Variants in TULP4 observed in about 807,000 individuals in gnomAD.
The protein encoded by TULP4 is tubby-related protein 4.
In TULP4, 16 loss-of-function variants were observed where a neutral mutation model predicts 129.0. That is an observed-to-expected ratio of 0.12 (90% CI 0.08 to 0.19). The LOEUF (loss-of-function observed/expected upper bound fraction) is 0.19. Among genes scored for constraint, TULP4 ranks in the 10% least tolerant of loss-of-function variants. TULP4 has a pLI of 1.00. For synonymous variants in TULP4, 998 were observed against 854.0 expected (o/e 1.17, Z -2.94); for missense variants, 1,842 against 2,059.1 (o/e 0.89, Z 2.04).
At chr6:158,328,915 G>A (rs1463896542) in intron 1 of TULP4, among the ~76,000 whole-genome samples, 1 of 152,164 alleles carries the variant, frequency 6.6e-6, no homozygotes, top group Non-Finnish European at 1.5e-5. Context: ...TTAGTGCACT[G>A]GGCAGTGGGT....
intron 1 of TULP4, among the ~76,000 whole-genome samples, chr6:158,365,971 C>T (rs1437319310): frequency 4.7e-5 from 6 of 128,170 alleles, no homozygotes; most frequent in Non-Finnish European, 9.3e-5. Context: ...GGCGCCATCT[C>T]GGCTCACTGC....
intron 3 of TULP4, among the ~76,000 whole-genome samples, chr6:158,432,579 A>G (rs1432382607): frequency 1.3e-5 from 2 of 152,196 alleles, no homozygotes; most frequent in African/African-American, 4.8e-5. Context: ...TAAGCAGTGC[A>G]TGGCTGGGCA....
Position 158,502,316 on chromosome 6 carries a change from T to C in TULP4, c.2653T>C (p.Tyr885His). 1 of 1,612,542 alleles carries C rather than the reference T, an allele frequency of 6.2e-7. No individual in the cohort carries two copies. The highest frequency in any genetic ancestry group is 8.5e-7 in the Non-Finnish European group (1 of 1,179,638). ...TSVHYQTPLG[Y>H]ERITTFDSSG... ...AGTGCACTACCAGACCCCCCTGGGC[T>C]ATGAGAGGATCACCACCTTCGACAG... The change falls in exon 13 of 14, where the codon TAT becomes CAT. Residue 885 changes from tyrosine to histidine, a missense_variant. By Grantham distance (83) the Tyr-to-His change is moderately conservative. Transcript: ENST00000367097.
intron 3 of TULP4, among the ~76,000 whole-genome samples, chr6:158,436,457 T>C (rs1200304261): frequency 6.6e-6 from 1 of 152,206 alleles, no homozygotes; most frequent in East Asian, 1.9e-4. Flanking sequence ...TGAAAGAATG[T>C]AGGTAAAGTG....
intron 6 of TULP4, among the ~76,000 whole-genome samples, chr6:158,464,825 A>G (rs1779519374): frequency 6.6e-6 from 1 of 152,228 alleles, no homozygotes; most frequent in Admixed American, 6.5e-5. Flanking sequence ...GAATCAGGAA[A>G]AGACCTAGAA....
At chr6:158,415,623 G>A (rs183192182) in intron 2 of TULP4, among the ~76,000 whole-genome samples, 1 of 149,758 alleles carries the variant, frequency 6.7e-6, no homozygotes, top group Non-Finnish European at 1.5e-5. Flanking sequence ...GCCTCCCAAA[G>A]TGCTGGGATT....
At chr6:158,458,800 C>T (rs1018808377) in intron 5 of TULP4, among the ~76,000 whole-genome samples, 3 of 152,056 alleles carry the variant, frequency 2.0e-5, no homozygotes, top group African/African-American at 7.2e-5. Context: ...AAACTCTTGC[C>T]CTAGGAATTC....
intron 1 of TULP4, among the ~76,000 whole-genome samples, chr6:158,347,449 G>C (rs76511106): frequency 6.6e-6 from 1 of 152,144 alleles, no homozygotes; most frequent in Non-Finnish European, 1.5e-5. Context: ...TGGTTACCAG[G>C]CTTCTCTTCT....
chr6:158,400,287 A>G (rs892383943), intron 1 of TULP4, among the ~76,000 whole-genome samples: 2 of 152,212 alleles, frequency 1.3e-5, no homozygotes, highest in Non-Finnish European at 1.5e-5. Flanking sequence ...TTGAACAGGC[A>G]CCCCAATAAA....
At chr6:158,365,039 G>C (rs1780897617) in intron 1 of TULP4, among the ~76,000 whole-genome samples, 1 of 151,654 alleles carries the variant, frequency 6.6e-6, no homozygotes, top group Non-Finnish European at 1.5e-5. Flanking sequence ...CCAGCCCCTA[G>C]ATTTGTTTTT....
At chr6:158,465,655 AT>A (rs1779540045) in intron 6 of TULP4, among the ~76,000 whole-genome samples, 1 of 152,134 alleles carries the variant, frequency 6.6e-6, no homozygotes, top group African/African-American at 2.4e-5. Context: ...AGTATGAGTG[AT>A]GCTGGCCCAG....
intron 6 of TULP4, among the ~76,000 whole-genome samples, chr6:158,467,277 CTTTTTTTTT>C (rs59276592): frequency 0.44 from 61,361 of 140,930 alleles, 14,004 homozygotes; most frequent in African/African-American, 0.63. Context: ...CTTTCCCTTT[CTTTTTTTTT>C]TTTTTTTTTT....
At chr6:158,468,719 A>G (rs956776328) in intron 6 of TULP4, among the ~76,000 whole-genome samples, 16 of 152,330 alleles carry the variant, frequency 1.1e-4, no homozygotes, top group African/African-American at 3.6e-4. Flanking sequence ...GGTGATTTAT[A>G]AATAATACAA....
chr6:158,315,488 C>T (rs1291744030), intron 1 of TULP4, among the ~76,000 whole-genome samples: 1 of 152,176 alleles, frequency 6.6e-6, no homozygotes, highest in Non-Finnish European at 1.5e-5. Context: ...TATAAACATT[C>T]AGTAAGGTGC....
Position 158,441,708 on chromosome 6 carries a change from A to G in TULP4, c.544-7288A>G, listed in dbSNP as rs991111644. 5.2e-4 allele frequency among the ~76,000 whole-genome samples: 79 copies of G among 152,186 alleles called. 1 individual carries two copies. The highest frequency in any genetic ancestry group is 1.7e-3 in the African/African-American group (71 of 41,512). On this transcript the variant is annotated intron_variant, in intron 3 of 13. Coordinates refer to ENST00000367097, the MANE Select transcript of TULP4 (RefSeq NM_020245.5). ...GGGCCCTCTTCTCAGCTGGACCTCA[A>G]TCTTGGCCTCTAAATACTGCAGACT...
intron 1 of TULP4, among the ~76,000 whole-genome samples, chr6:158,253,075 C>G (rs971858597): frequency 1.3e-5 from 2 of 152,226 alleles, no homozygotes; most frequent in Non-Finnish European, 2.9e-5. Flanking sequence ...AAATCCCATG[C>G]GAATTGTCAG....
intron 1 of TULP4, among the ~76,000 whole-genome samples, chr6:158,329,922 A>G (rs1000040495): frequency 2.6e-5 from 4 of 152,214 alleles, no homozygotes; most frequent in African/African-American, 9.6e-5. Flanking sequence ...TAAGTGATCA[A>G]TATCTCTTTT....
intron 1 of TULP4, among the ~76,000 whole-genome samples, chr6:158,367,201 G>A (rs999141001): frequency 5.9e-5 from 9 of 152,214 alleles, no homozygotes; most frequent in Non-Finnish European, 8.8e-5. Context: ...GGATGCTCCC[G>A]GAAACAGCTT....
At chr6:158,484,406 C>T (rs1014527469) in intron 8 of TULP4, among the ~76,000 whole-genome samples, 6 of 151,918 alleles carry the variant, frequency 3.9e-5, no homozygotes, top group African/African-American at 9.7e-5. Context: ...CTGCCTCGGT[C>T]GCCAAAGTGC....
Sources: allele counts gnomAD v4.1 joint callset (sites outside exome capture counted in the v4.1 genomes callset), GRCh38; gene constraint gnomAD v4.1.1; transcripts MANE v1.5; gene names NCBI Gene and HGNC (gene_info 2026-07-23, HGNC 2026-07-21).